The following CAST variants were observed in gnomAD, a reference collection of about 807,000 sequenced individuals.
CAST encodes the protein calpastatin.
A neutral mutation model predicts 119.6 loss-of-function variants in CAST; 76 were observed. That is an observed-to-expected ratio of 0.64 (90% CI 0.53 to 0.77). CAST has a LOEUF of 0.77. Among genes scored for constraint, CAST ranks in the 30% least tolerant of loss-of-function variants. The pLI, the probability that CAST is intolerant of heterozygous loss-of-function variation, is 0.00. For missense variants in CAST, 953 were observed against 946.5 expected, an observed-to-expected ratio of 1.01 and a Z score of -0.09; for synonymous variants, 319 against 331.6, an observed-to-expected ratio of 0.96 and a Z score of 0.41.
chr5:96,193,083 A>G, the CAST span, among the ~76,000 whole-genome samples: 1 of 152,218 alleles, frequency 6.6e-6, no homozygotes, highest in African/African-American at 2.4e-5. Context: ...TTTAATCAGA[A>G]AATTTAAGAG....
intron 1 of CAST, among the ~76,000 whole-genome samples, chr5:96,663,545 CT>C (rs1748888639): frequency 1.3e-5 from 2 of 152,158 alleles, no homozygotes; most frequent in Admixed American, 6.5e-5. Context: ...ATCTAGAGTT[CT>C]TTTTTAACCC....
At chr5:96,626,762 TAAAC>T (rs1300583942) in intron 1 of CAST, among the ~76,000 whole-genome samples, 6 of 152,206 alleles carry the variant, frequency 3.9e-5, no homozygotes, top group Admixed American at 1.3e-4. Flanking sequence ...CCGCTAAAAT[TAAAC>T]AAAGCAGAAA....
At chr5:96,711,348 G>A (rs1756110360) in intron 3 of CAST, among the ~76,000 whole-genome samples, 1 of 152,100 alleles carries the variant, frequency 6.6e-6, no homozygotes, top group Non-Finnish European at 1.5e-5. Flanking sequence ...AGCTATTGCT[G>A]ATAATCTGAA....
At chr5:96,359,293 G>T in the CAST span, among the ~76,000 whole-genome samples, 1 of 152,072 alleles carries the variant, frequency 6.6e-6, no homozygotes, top group South Asian at 2.1e-4. Context: ...TTTCCAATTT[G>T]CCAGTCTGTC....
At chr5:96,412,816 A>G in the CAST span, 1 of 329,566 alleles carries the variant, frequency 3.0e-6, no homozygotes. Flanking sequence ...AGCTCTGGGC[A>G]TTGAGTCTGA....
At chr5:96,658,909 T>G (rs1748202120), upstream of CAST, among the ~76,000 whole-genome samples, 1 of 152,258 alleles carries the variant, frequency 6.6e-6, no homozygotes. Flanking sequence ...CTATGATGTA[T>G]TGCCAAAATA....
At chr5:96,761,664 T>C (rs1398493847) in intron 24 of CAST, 1 of 152,206 alleles carries the variant, frequency 6.6e-6, no homozygotes, top group Non-Finnish European at 1.5e-5. Flanking sequence ...ATGAAGCAAA[T>C]ATTCAATATT....
Position 96,666,183 on chromosome 5 carries a change from G to A in CAST, c.75+3686G>A, listed in dbSNP as rs74707053. Among the ~76,000 whole-genome samples, 126 of 151,986 alleles carry A rather than the reference G, an allele frequency of 8.3e-4. 2 individuals are homozygous for A. Among genetic ancestry groups the A allele is most frequent in the African/African-American group, 2.8e-3 (114 of 41,448 alleles). On this transcript the variant is annotated intron_variant, in intron 1 of 31. Transcript: ENST00000675179. Reference sequence around the variant, plus strand: ...CACCTATAAAGCTAGTCAGTGAAACGTTGCAATGTATATTTCCACATTGAA... The same window carrying A: ...CACCTATAAAGCTAGTCAGTGAAACATTGCAATGTATATTTCCACATTGAA...
the CAST span, chr5:96,423,577 A>G: frequency 1.1e-6 from 1 of 880,556 alleles, no homozygotes; most frequent in Non-Finnish European, 1.9e-6. Context: ...TCTACTCTTT[A>G]GAAGAAGCCA....
At chr5:96,109,357 A>G in the CAST span, among the ~76,000 whole-genome samples, 1 of 152,250 alleles carries the variant, frequency 6.6e-6, no homozygotes, top group African/African-American at 2.4e-5. Context: ...GAATAAATGT[A>G]ATCAGTTTTA....
At chr5:96,160,144 GA>G in the CAST span, among the ~76,000 whole-genome samples, 2,844 of 140,980 alleles carry the variant, frequency 0.02, 66 homozygotes, top group African/African-American at 0.065. Flanking sequence ...CGTCGCAAAA[GA>G]AAAAAAAAAA....
chr5:96,731,898 G>A (rs1760609997), intron 9 of CAST, among the ~76,000 whole-genome samples: 1 of 152,094 alleles, frequency 6.6e-6, no homozygotes, highest in South Asian at 2.1e-4. Flanking sequence ...AATCCACTCT[G>A]TCATTGTTGG....
chr5:96,473,173 G>A, the CAST span, among the ~76,000 whole-genome samples: 1 of 152,200 alleles, frequency 6.6e-6, no homozygotes, highest in Admixed American at 6.5e-5. Flanking sequence ...AGGTACCAGG[G>A]GTTAGGATGG....
the CAST span, chr5:96,395,030 CAAAT>C: frequency 6.2e-7 from 1 of 1,607,134 alleles, no homozygotes; most frequent in Non-Finnish European, 8.5e-7. Context: ...TCCAGACTAA[CAAAT>C]AAGCATACCT....
chr5:96,089,021 A>T, the CAST span, among the ~76,000 whole-genome samples: 1 of 147,810 alleles, frequency 6.8e-6, no homozygotes, highest in Admixed American at 6.7e-5. Flanking sequence ...TGGGGATCAG[A>T]TGCTTTCAGT....
At chr5:95,991,195 C>T in the CAST span, among the ~76,000 whole-genome samples, 54 of 152,158 alleles carry the variant, frequency 3.5e-4, no homozygotes, top group African/African-American at 1.2e-3. Flanking sequence ...TATGCTTGGT[C>T]TCTTAAGATT....
chr5:96,095,286 G>C, the CAST span, among the ~76,000 whole-genome samples: 1 of 152,038 alleles, frequency 6.6e-6, no homozygotes, highest in Non-Finnish European at 1.5e-5. Flanking sequence ...TTGTAAAAGT[G>C]TTCTAAGGTA....
chr5:96,666,278 A>ACACACACC (rs1342666281), intron 1 of CAST, among the ~76,000 whole-genome samples: 5 of 147,838 alleles, frequency 3.4e-5, no homozygotes, highest in Non-Finnish European at 1.5e-5. Flanking sequence ...ACACACACAC[A>ACACACACC]CCACACAACT....
chr5:96,359,029 G>A, the CAST span, among the ~76,000 whole-genome samples: 3 of 152,100 alleles, frequency 2.0e-5, no homozygotes, highest in Non-Finnish European at 4.4e-5. Context: ...CCTTTATTGA[G>A]TGCATATATA....
Sources: allele counts gnomAD v4.1 joint callset (sites outside exome capture counted in the v4.1 genomes callset), GRCh38; gene constraint gnomAD v4.1.1; transcripts MANE v1.5; gene names NCBI Gene and HGNC (gene_info 2026-07-23, HGNC 2026-07-21).